MYRFL: variants seen among roughly 807,000 people sequenced by gnomAD.
The protein encoded by MYRFL is myelin regulatory factor-like protein.
A neutral mutation model predicts 109.4 loss-of-function variants in MYRFL; 88 were observed. The observed-to-expected ratio is 0.80, with a 90% confidence interval of 0.68 to 0.96. MYRFL has a LOEUF of 0.96. Among genes scored for constraint, MYRFL ranks in the 40% least tolerant of loss-of-function variants. The pLI, the probability that MYRFL is intolerant of heterozygous loss-of-function variation, is 0.00. For synonymous variants in MYRFL, 324 were observed against 320.9 expected (o/e 1.01, Z -0.10); for missense variants, 957 against 954.9 (o/e 1.00, Z -0.03).
chr12:69,945,181 AAAG>A (rs1955796092), intron 19 of MYRFL, among the ~76,000 whole-genome samples: 1 of 152,200 alleles, frequency 6.6e-6, no homozygotes, highest in African/African-American at 2.4e-5. Flanking sequence ...TAATTAGAAG[AAAG>A]AAAATTTTAA....
chr12:69,908,463 C>G (rs1222058551), intron 11 of MYRFL, among the ~76,000 whole-genome samples: 1 of 152,140 alleles, frequency 6.6e-6, no homozygotes, highest in East Asian at 1.9e-4. Flanking sequence ...GAAGGAAGAG[C>G]TTTTGAGTCT....
chr12:69,949,719 A>G (rs1265132626), intron 19 of MYRFL, among the ~76,000 whole-genome samples: 3 of 151,712 alleles, frequency 2.0e-5, no homozygotes, highest in Non-Finnish European at 4.4e-5. Flanking sequence ...GCCCAAGACA[A>G]TTCTTCTTCC....
intron 5 of MYRFL, among the ~76,000 whole-genome samples, chr12:69,884,292 G>C (rs1218547066): frequency 6.6e-6 from 1 of 152,238 alleles, no homozygotes; most frequent in Non-Finnish European, 1.5e-5. Context: ...ATATGAATAA[G>C]TTCTAGCACT....
At chr12:69,953,244 T>G (rs1152952) in intron 21 of MYRFL, among the ~76,000 whole-genome samples, 54,932 of 152,094 alleles carry the variant, frequency 0.36, 10,280 homozygotes, top group Non-Finnish European at 0.41. Flanking sequence ...TGGCTCCAAG[T>G]TACAAGTGAG....
At chr12:69,930,022 A>G (rs1178281987) in intron 15 of MYRFL, among the ~76,000 whole-genome samples, 1 of 152,234 alleles carries the variant, frequency 6.6e-6, no homozygotes, top group Non-Finnish European at 1.5e-5. Flanking sequence ...TCAATAAAAC[A>G]CAAATAACCA....
chr12:69,924,215 C>T (rs912844615), intron 13 of MYRFL, among the ~76,000 whole-genome samples: 8 of 144,524 alleles, frequency 5.5e-5, no homozygotes, highest in African/African-American at 7.6e-5. Context: ...AAAAAAAAAT[C>T]GTAAAATACC....
chr12:69,931,002 T>C (rs1383248881), intron 15 of MYRFL, among the ~76,000 whole-genome samples: 2 of 152,158 alleles, frequency 1.3e-5, no homozygotes, highest in Non-Finnish European at 1.5e-5. Flanking sequence ...ACACTGTTCA[T>C]TGGATATGCC....
chr12:69,848,436 T>C (rs1883685318), intron 1 of MYRFL, among the ~76,000 whole-genome samples: 1 of 152,102 alleles, frequency 6.6e-6, no homozygotes, highest in Admixed American at 6.5e-5. Context: ...TTATTCATCT[T>C]CTCTTCATTC....
intron 6 of MYRFL, among the ~76,000 whole-genome samples, chr12:69,888,166 T>C (rs1180204215): frequency 1.3e-5 from 2 of 152,212 alleles, no homozygotes; most frequent in African/African-American, 2.4e-5. Context: ...TAGAAAAATA[T>C]GGAGAACACA....
At position 69,957,816 on chromosome 12, in the gene MYRFL, T is replaced by G; in HGVS notation, c.2451-6T>G. 13 of 1,517,014 alleles carry G rather than the reference T, an allele frequency of 8.6e-6. No homozygotes were observed. The highest frequency in any genetic ancestry group is 1.4e-5 in the African/African-American group (1 of 72,800). 94.0% of individuals were successfully genotyped at this position (1,517,014 alleles called of 1,614,324 possible). The stretch of plus-strand genomic sequence containing the variant: ...AGGTGCTCTTTCTTTTCTTTGTCTC[T>G]TGAAGCACAACAGAGCCATTGATAG... On this transcript the variant is annotated splice_region_variant and splice_polypyrimidine_tract_variant and intron_variant, in intron 22 of 24. Coordinates refer to ENST00000552032, the MANE Select transcript of MYRFL (RefSeq NM_182530.3).
intron 7 of MYRFL, among the ~76,000 whole-genome samples, chr12:69,893,122 A>T (rs1887015034): frequency 6.6e-6 from 1 of 152,210 alleles, no homozygotes. Context: ...TGAAAGATAC[A>T]TATTATTAAA....
At position 69,909,946 on chromosome 12, in the gene MYRFL, C is replaced by A. The variant is rs1473419724; in HGVS notation, c.1384-23C>A. 5 of 1,472,156 alleles carry A rather than the reference C, an allele frequency of 3.4e-6. No individual in the cohort carries two copies. In the Admixed American group the frequency reaches 6.5e-5, roughly 19 times the overall value. 91.2% of individuals were successfully genotyped at this position (1,472,156 alleles called of 1,614,324 possible). On this transcript the variant is annotated intron_variant, in intron 11 of 24. Coordinates refer to ENST00000552032, the MANE Select transcript of MYRFL (RefSeq NM_182530.3). ...TAGCAAATATCTATGCGAGTAAAAT[C>A]TGCTCTTCTTTAATTAAATTAGGTT... is the stretch of plus-strand genomic sequence containing the variant.
At position 69,909,949 on chromosome 12, in the gene MYRFL, CTCT is replaced by C. The variant is rs1156760031; in HGVS notation, c.1384-15_1384-13del. 4.7e-6 allele frequency: 7 copies of C among 1,489,066 alleles called. No individual in the cohort carries two copies. Among genetic ancestry groups the C allele is most frequent in the Non-Finnish European group, 5.4e-6 (6 of 1,115,632 alleles). The allele number at this position is 1,489,066 out of a possible 1,614,324, so 92.2% of individuals were successfully genotyped here. A position where few individuals can be genotyped will look rare whatever the true frequency, so the allele number is the denominator to read the frequency against. ...CAAATATCTATGCGAGTAAAATCTG[CTCT>C]TCTTTAATTAAATTAGGTTGACACG... On this transcript the variant is annotated splice_polypyrimidine_tract_variant and intron_variant, in intron 11 of 24. Transcript: ENST00000552032.
chr12:69,913,272 A>G (rs1471827242), intron 13 of MYRFL, among the ~76,000 whole-genome samples: 1 of 152,102 alleles, frequency 6.6e-6, no homozygotes, highest in Non-Finnish European at 1.5e-5. Context: ...CACTTTCTTA[A>G]TAGTGTCTTT....
intron 2 of MYRFL, among the ~76,000 whole-genome samples, chr12:69,858,600 A>T (rs970182844): frequency 1.3e-5 from 2 of 151,946 alleles, no homozygotes; most frequent in Non-Finnish European, 2.9e-5. Flanking sequence ...GAATTGATCA[A>T]TGTTATCTAA....
intron 16 of MYRFL, among the ~76,000 whole-genome samples, chr12:69,935,274 G>A (rs117830766): frequency 0.016 from 2,496 of 152,256 alleles, 36 homozygotes; most frequent in South Asian, 0.035. Context: ...TGGAGAACCA[G>A]GTGTGAAGTC....
chr12:69,854,555 T>G (rs1884155150), intron 1 of MYRFL, among the ~76,000 whole-genome samples: 7 of 152,032 alleles, frequency 4.6e-5, no homozygotes, highest in Admixed American at 4.6e-4. Flanking sequence ...GGCTAATTTT[T>G]TTGTATTCTT....
At chr12:69,914,728 G>A (rs1257121067) in intron 13 of MYRFL, among the ~76,000 whole-genome samples, 2 of 152,168 alleles carry the variant, frequency 1.3e-5, no homozygotes, top group Admixed American at 6.5e-5. Flanking sequence ...GAGGTAGGGG[G>A]TAGCATTCCT....
chr12:69,936,771 C>T, intron 19 of MYRFL, 139 bp downstream of exon 19: 1 of 721,654 alleles, frequency 1.4e-6, no homozygotes, highest in Non-Finnish European at 2.1e-6. Flanking sequence ...CTTTAAAACA[C>T]AAATACACAA....
Sources: gnomAD v4.1 joint callset for allele counts (sites outside exome capture counted in the v4.1 genomes callset) on GRCh38, gnomAD v4.1.1 for gene constraint, MANE v1.5 for transcripts, NCBI Gene and HGNC (gene_info 2026-07-23, HGNC 2026-07-21) for gene names.